The following SH3D19 variants were observed in gnomAD, a reference collection of about 807,000 sequenced individuals.
The protein encoded by SH3D19 is SH3 domain containing 19.
A neutral mutation model predicts 112.1 loss-of-function variants in SH3D19; 58 were observed. That is an observed-to-expected ratio of 0.52 (90% CI 0.42 to 0.64). The LOEUF (loss-of-function observed/expected upper bound fraction) is 0.64. SH3D19 is among the 30% of genes least tolerant of loss of function. The pLI, the probability that SH3D19 is intolerant of heterozygous loss-of-function variation, is 0.00. For missense variants in SH3D19, 1,090 were observed against 1,263.4 expected, an observed-to-expected ratio of 0.86 and a Z score of 2.08; for synonymous variants, 391 against 448.5, an observed-to-expected ratio of 0.87 and a Z score of 1.62.
rs1283592777 is a variant in SH3D19, at chr4:151,272,762, T to TG, written c.113-46677_113-46676insC. 1.6e-4 allele frequency among the ~76,000 whole-genome samples: 24 copies of TG among 150,748 alleles called. No homozygotes were observed. The East Asian group carries it at 4.1e-3, about 25-fold the overall frequency. On this transcript the variant is annotated intron_variant, in intron 1 of 19. Coordinates refer to ENST00000604030, the MANE Select transcript of SH3D19 (RefSeq NM_001378122.1). ...GCTTTAGAGATTCAGGTTTCACTTT[T>TG]CTTTTTTTTTTTTTAACAAGGATAC...
chr4:151,127,725 C>A lies in SH3D19; in HGVS notation c.2930-10G>T. ...ATACTTTTTGCCTCAGCTGTGAAGA[C>A]ATAAAAAATTTAAATATATAGAAAC... is the stretch of plus-strand genomic sequence containing the variant. On this transcript the variant is annotated splice_polypyrimidine_tract_variant and intron_variant, in intron 18 of 19. Coordinates refer to ENST00000604030, the MANE Select transcript of SH3D19 (RefSeq NM_001378122.1). The A allele has an allele frequency of 6.5e-7, 1 of 1,540,652 alleles. No homozygotes were observed. Among genetic ancestry groups the A allele is most frequent in the Non-Finnish European group, 8.7e-7 (1 of 1,144,498 alleles).
intron 9 of SH3D19, among the ~76,000 whole-genome samples, chr4:151,154,660 T>G (rs1259359238): frequency 2.0e-5 from 3 of 152,008 alleles, no homozygotes; most frequent in Non-Finnish European, 2.9e-5. Flanking sequence ...AACTGCAACC[T>G]CTGCCTCCCG....
intron 17 of SH3D19, among the ~76,000 whole-genome samples, chr4:151,130,863 G>A (rs1750524447): frequency 6.6e-6 from 1 of 151,498 alleles, no homozygotes; most frequent in Non-Finnish European, 1.5e-5. Context: ...ATCACTTGAA[G>A]CCGGCAGCAG....
At chr4:151,268,367 G>A (rs1772969218) in intron 1 of SH3D19, among the ~76,000 whole-genome samples, 1 of 152,194 alleles carries the variant, frequency 6.6e-6, no homozygotes, top group Admixed American at 6.5e-5. Context: ...GTGAGTGAAT[G>A]TGAACGCCTA....
intron 1 of SH3D19, chr4:151,279,874 G>GGT: frequency 6.2e-7 from 1 of 1,613,640 alleles, no homozygotes; most frequent in Non-Finnish European, 8.5e-7. Context: ...TGGCAGGTCA[G>GGT]CCTACACTTT....
At chr4:151,236,579 G>C (rs924746282) in intron 1 of SH3D19, among the ~76,000 whole-genome samples, 2 of 150,384 alleles carry the variant, frequency 1.3e-5, no homozygotes, top group Non-Finnish European at 2.9e-5. Flanking sequence ...TAGCTAAAGG[G>C]TTGTAAATGC....
chr4:151,262,844 T>A (rs1772484391), intron 1 of SH3D19: 1 of 152,192 alleles, frequency 6.6e-6, no homozygotes, highest in South Asian at 2.1e-4. Context: ...TCTACAAGTC[T>A]TGGATTGAGA....
chr4:151,265,313 GA>G (rs1354805421), intron 1 of SH3D19, among the ~76,000 whole-genome samples: 2 of 143,230 alleles, frequency 1.4e-5, no homozygotes, highest in Non-Finnish European at 3.0e-5. Context: ...TTCAGCAAAA[GA>G]AAAGGTAAAC....
chr4:151,120,871 A>C lies in SH3D19; in HGVS notation c.*1220T>G, dbSNP rs1034122638. The C allele has an allele frequency of 4.6e-5, 7 of 152,656 alleles. No individual in the cohort carries two copies. Among genetic ancestry groups the C allele is most frequent in the African/African-American group, 1.7e-4 (7 of 41,458 alleles). 9.5% of individuals were successfully genotyped at this position (152,656 alleles called of 1,614,324 possible). On this transcript the variant is annotated 3_prime_UTR_variant, in exon 20 of 20. Transcript: ENST00000604030. Reference sequence around the variant, plus strand: ...GGAAAGTGTTTTACATTTCCAATGAAATTCTATTCCATTGATCTGTTTGGA... The same window carrying C: ...GGAAAGTGTTTTACATTTCCAATGACATTCTATTCCATTGATCTGTTTGGA...
rs146062727 is a variant in SH3D19, at chr4:151,150,430, G to C, written c.1756-869C>G. Among the ~76,000 whole-genome samples the C allele has an allele frequency of 8.2e-3, 1,233 of 150,868 alleles. 19 individuals are homozygous for C. Among genetic ancestry groups the C allele is most frequent in the African/African-American group, 0.025 (1,021 of 41,104 alleles). On this transcript the variant is annotated intron_variant, in intron 9 of 19. Coordinates refer to ENST00000604030, the MANE Select transcript of SH3D19 (RefSeq NM_001378122.1). ...CTAAATTTAAACACATAGTAAGAGGGATGGTTATTAGTTGGTTTTGCTTTG... is the reference window on the plus strand; with the variant it reads ...CTAAATTTAAACACATAGTAAGAGGCATGGTTATTAGTTGGTTTTGCTTTG...
intron 2 of SH3D19, among the ~76,000 whole-genome samples, chr4:151,198,420 A>T (rs1354747531): frequency 1.4e-5 from 2 of 143,998 alleles, no homozygotes; most frequent in Non-Finnish European, 3.0e-5. Context: ...TATTATATAA[A>T]ATATATATTA....
At chr4:151,228,015 C>T (rs181900879) in intron 1 of SH3D19, 1 of 985,250 alleles carries the variant, frequency 1.0e-6, no homozygotes, top group Admixed American at 6.2e-5. Context: ...TGTGGCCACT[C>T]AGGAAGCAAA....
At chr4:151,302,203 C>G (rs779277769) in intron 1 of SH3D19, among the ~76,000 whole-genome samples, 2 of 152,138 alleles carry the variant, frequency 1.3e-5, no homozygotes, top group Admixed American at 1.3e-4. Flanking sequence ...CTATCTTTTT[C>G]CCAGATAGGG....
intron 13 of SH3D19, 64 bp from the exon 14 acceptor site, chr4:151,137,926 A>G: frequency 7.0e-7 from 1 of 1,425,992 alleles, no homozygotes; most frequent in South Asian, 1.4e-5. Context: ...ATAAAAGCAC[A>G]AAGTAGCATT....
At chr4:151,307,458 G>C (rs570794118) in intron 1 of SH3D19, among the ~76,000 whole-genome samples, 1 of 152,346 alleles carries the variant, frequency 6.6e-6, no homozygotes, top group African/African-American at 2.4e-5. Context: ...CAGCCCTCGT[G>C]AGCCCAAAAA....
Position 151,149,504 on chromosome 4 carries a change from G to A in SH3D19, c.1813C>T (p.Pro605Ser), listed in dbSNP as rs2149778966. The change falls in exon 10 of 20, where the codon CCG becomes TCG. Residue 605 changes from proline to serine, a missense_variant. Transcript: ENST00000604030. ...ACTTTTCCCACATTTACTTACCTCGGTGGCAACCTTGGGGGTACTCGCACA... is the reference window on the plus strand; with the variant it reads ...ACTTTTCCCACATTTACTTACCTCGATGGCAACCTTGGGGGTACTCGCACA... ...GFVRVPPRLP[P>S]RPVNGKTIPT... The A allele has an allele frequency of 6.2e-7, 1 of 1,609,584 alleles. No individual in the cohort carries two copies. The highest frequency in any genetic ancestry group is 8.5e-7 in the Non-Finnish European group (1 of 1,177,644).
At chr4:151,269,576 G>A (rs893845933) in intron 1 of SH3D19, among the ~76,000 whole-genome samples, 1 of 152,024 alleles carries the variant, frequency 6.6e-6, no homozygotes. Flanking sequence ...ATGGTTTTGG[G>A]TCTAATGTTT....
intron 1 of SH3D19, chr4:151,227,847 T>C (rs946456759): frequency 5.1e-6 from 5 of 985,298 alleles, no homozygotes; most frequent in African/African-American, 3.5e-5. Context: ...AGGCATGTAA[T>C]AGCAAATTTC....
At chr4:151,247,253 C>T (rs1367897008) in intron 1 of SH3D19, among the ~76,000 whole-genome samples, 1 of 152,124 alleles carries the variant, frequency 6.6e-6, no homozygotes, top group Non-Finnish European at 1.5e-5. Flanking sequence ...ATTTCACCTT[C>T]ATAAAAAGGA....
Sources: allele counts gnomAD v4.1 joint callset (sites outside exome capture counted in the v4.1 genomes callset), GRCh38; gene constraint gnomAD v4.1.1; transcripts MANE v1.5; gene names NCBI Gene and HGNC (gene_info 2026-07-23, HGNC 2026-07-21).